Variants in CIDEA observed in about 807,000 individuals in gnomAD.
CIDEA encodes the protein lipid transferase CIDEA.
In CIDEA, 10 loss-of-function variants were observed where a neutral mutation model predicts 18.2. The ratio of observed to expected loss-of-function variants is 0.55; its 90% confidence interval spans 0.34 to 0.93. The LOEUF (loss-of-function observed/expected upper bound fraction) is 0.93, where lower values mean the gene tolerates loss of function less well. CIDEA is among the 40% of genes least tolerant of loss of function. CIDEA has a pLI of 0.02. For missense variants in CIDEA, 309 were observed against 293.1 expected, an observed-to-expected ratio of 1.05 and a Z score of -0.40; for synonymous variants, 128 against 124.8, an observed-to-expected ratio of 1.03 and a Z score of -0.17.
At chr18:12,259,666 C>T (rs1912134828) in intron 1 of CIDEA, among the ~76,000 whole-genome samples, 1 of 152,112 alleles carries the variant, frequency 6.6e-6, no homozygotes. Flanking sequence ...TGGAGACAAG[C>T]CTGAACAACA....
chr18:12,277,057 C>T, intron 4 of CIDEA, 66 bp from the exon 5 acceptor site: 2 of 1,578,568 alleles, frequency 1.3e-6, no homozygotes, highest in Non-Finnish European at 1.7e-6. Context: ...GAAGTATTCC[C>T]ATCCTGTCTG....
chr18:12,261,956 C>A (rs1017537297), intron 1 of CIDEA, among the ~76,000 whole-genome samples: 1 of 151,600 alleles, frequency 6.6e-6, no homozygotes, highest in Non-Finnish European at 1.5e-5. Context: ...CTGCTTGAAC[C>A]CAGGAGTTCA....
rs530570438 is a variant in CIDEA, at chr18:12,271,893, G to T, written c.331-2200G>T. ...CGGCCCCGCAGCCCCCGCCCGGCGA[G>T]GCCCCAGCGGATCCGCGGCGGGAGG... On this transcript the variant is annotated intron_variant, in intron 3 of 4. Transcript: ENST00000320477. 2.6e-5 allele frequency among the ~76,000 whole-genome samples: 4 copies of T among 152,298 alleles called. No homozygotes were observed. The South Asian group carries it at 6.2e-4, about 24-fold the overall frequency.
intron 4 of CIDEA, among the ~76,000 whole-genome samples, chr18:12,275,360 C>G (rs1905295690): frequency 6.6e-6 from 1 of 152,054 alleles, no homozygotes; most frequent in African/African-American, 2.4e-5. Flanking sequence ...AATAAATAAA[C>G]AAACAAAAAA....
At chr18:12,258,138 C>T (rs770811830) in intron 1 of CIDEA, among the ~76,000 whole-genome samples, 12 of 152,202 alleles carry the variant, frequency 7.9e-5, no homozygotes, top group African/African-American at 2.7e-4. Context: ...AGTGACGCAG[C>T]TCTTGGTTTG....
intron 3 of CIDEA, among the ~76,000 whole-genome samples, chr18:12,270,894 CTTTTTTTTTT>C (rs771335202): frequency 4.8e-4 from 29 of 60,000 alleles, no homozygotes; most frequent in African/African-American, 2.0e-3. Flanking sequence ...TTTTTCTTTT[CTTTTTTTTTT>C]TTTTTTTTTT....
rs1598782938 is a variant in CIDEA at position 12,274,074 on chromosome 18, C to T, written c.331-19C>T. On this transcript the variant is annotated intron_variant, in intron 3 of 4. Coordinates refer to ENST00000320477, the MANE Select transcript of CIDEA (RefSeq NM_001279.4). ...GTTAGGAAGGCTCCTGAAGCCTGCC[C>T]CTCCCCCCATTGTCACAGGGCAGCC... The T allele has an allele frequency of 6.2e-7, 1 of 1,613,578 alleles. No homozygotes were observed. The highest frequency in any genetic ancestry group is 2.2e-5 in the East Asian group (1 of 44,874).
intron 1 of CIDEA, among the ~76,000 whole-genome samples, chr18:12,261,525 G>A (rs1912191226): frequency 6.6e-6 from 1 of 152,128 alleles, no homozygotes; most frequent in Non-Finnish European, 1.5e-5. Flanking sequence ...TGGTTTAAAA[G>A]CATGCAATCA....
Position 12,277,280 on chromosome 18 carries a change from C to T in CIDEA, c.*10C>T, listed in dbSNP as rs141313590. 2.5e-5 allele frequency: 40 copies of T among 1,613,966 alleles called. No homozygotes were observed. In the African/African-American group the frequency reaches 5.1e-4, roughly 20 times the overall value. Reference sequence around the variant, plus strand: ...GTTCACGTGTGGATAGGGATGCAGGCTGTCGCCGGCTCTTGAGCCAAACAC... The same window carrying T: ...GTTCACGTGTGGATAGGGATGCAGGTTGTCGCCGGCTCTTGAGCCAAACAC... On this transcript the variant is annotated 3_prime_UTR_variant, in exon 5 of 5. Coordinates refer to ENST00000320477, the MANE Select transcript of CIDEA (RefSeq NM_001279.4).
In CIDEA at chr18:12,254,396, C is replaced by G. The variant is rs141822984; in HGVS notation, c.13C>G (p.Arg5Gly). MEAA[R>G]DYAGALIRPL... is the part of the protein sequence containing the mutation. Reference sequence around the variant, plus strand: ...GGGGATCCGCGCCATGGAGGCCGCCCGGGACTATGCAGGAGCCCTCATCAG... The same window carrying G: ...GGGGATCCGCGCCATGGAGGCCGCCGGGGACTATGCAGGAGCCCTCATCAG... The change falls in exon 1 of 5, where the codon CGG becomes GGG. Residue 5 changes from arginine to glycine, a missense_variant. Coordinates refer to ENST00000320477, the MANE Select transcript of CIDEA (RefSeq NM_001279.4). The G allele has an allele frequency of 6.4e-7, 1 of 1,558,202 alleles. No homozygotes were observed. The highest frequency in any genetic ancestry group is 8.7e-7 in the Non-Finnish European group (1 of 1,152,754).
Position 12,264,344 on chromosome 18 carries a change from C to T in CIDEA, c.221C>T (p.Thr74Ile). ...CTCGTCATCGCTACCGGACTGGTCA[C>T]TCTGGTGCTGGAGGAAGATGGCACC... ...DALVIATGLV[T>I]LVLEEDGTVV... Residue 74 changes from threonine (T) to isoleucine (I), a missense_variant, in exon 3 of 5, where the codon ACT becomes ATT. Physicochemically the swap from Thr to Ile is moderately conservative, Grantham distance 89. Coordinates refer to ENST00000320477, the MANE Select transcript of CIDEA (RefSeq NM_001279.4). The T allele has an allele frequency of 6.2e-7, 1 of 1,614,082 alleles. No homozygotes were observed. The highest frequency in any genetic ancestry group is 8.5e-7 in the Non-Finnish European group (1 of 1,179,964).
intron 1 of CIDEA, among the ~76,000 whole-genome samples, chr18:12,260,925 TC>T (rs1346284791): frequency 6.6e-6 from 1 of 152,146 alleles, no homozygotes; most frequent in Non-Finnish European, 1.5e-5. Context: ...GTGGGTGCTC[TC>T]CGGGGTGAGG....
Position 12,262,872 on chromosome 18 carries a change from C to A in CIDEA, c.86C>A (p.Pro29Gln), listed in dbSNP as rs200131366. The change falls in exon 2 of 5, where the codon CCG becomes CAG. Residue 29 changes from proline (P) to glutamine (Q), a missense_variant. Coordinates refer to ENST00000320477, the MANE Select transcript of CIDEA (RefSeq NM_001279.4). ...CAGACTAAGCGAGTCCTGTTCACCCCGCTCATGCATCCAGCTCGCCCTTTC... is the reference window on the plus strand; with the variant it reads ...CAGACTAAGCGAGTCCTGTTCACCCAGCTCATGCATCCAGCTCGCCCTTTC... ...GSQTKRVLFT[P>Q]LMHPARPFRV... The A allele has an allele frequency of 1.9e-6, 3 of 1,614,198 alleles. No individual in the cohort carries two copies. Among genetic ancestry groups the A allele is most frequent in the Admixed American group, 3.3e-5 (2 of 60,026 alleles).
Position 12,254,441 on chromosome 18 carries a change from CT to C in CIDEA, c.38+21del. The C allele has an allele frequency of 6.3e-7, 1 of 1,597,418 alleles. No individual in the cohort carries two copies. Among genetic ancestry groups the C allele is most frequent in the Non-Finnish European group, 8.5e-7 (1 of 1,175,378 alleles). On this transcript the variant is annotated intron_variant, in intron 1 of 4. Transcript: ENST00000320477. Reference sequence around the variant, plus strand: ...CATCAGGCGAGTGCCCCGCGTCCCCCTGATTGCCGTGCGCTTCCAATCGCCT... The same window carrying C: ...CATCAGGCGAGTGCCCCGCGTCCCCCGATTGCCGTGCGCTTCCAATCGCCT...
chr18:12,274,494 A>C (rs1363141382), intron 4 of CIDEA, among the ~76,000 whole-genome samples: 1 of 152,228 alleles, frequency 6.6e-6, no homozygotes, highest in African/African-American at 2.4e-5. Context: ...AAGACCACTA[A>C]CTATTCATTA....
intron 1 of CIDEA, among the ~76,000 whole-genome samples, chr18:12,255,120 G>C (rs938452801): frequency 6.6e-6 from 1 of 152,212 alleles, no homozygotes; most frequent in African/African-American, 2.4e-5. Context: ...TTTCCTGCTT[G>C]GGTTAATATT....
intron 3 of CIDEA, among the ~76,000 whole-genome samples, chr18:12,271,088 G>A (rs992559850): frequency 1.3e-5 from 2 of 151,734 alleles, no homozygotes; most frequent in Non-Finnish European, 2.9e-5. Flanking sequence ...TAGTAGAGAC[G>A]GGGTTTCGCC....
At chr18:12,264,242 G>A in intron 2 of CIDEA, 65 bp from the exon 3 acceptor site, 1 of 1,415,914 alleles carries the variant, frequency 7.1e-7, no homozygotes, top group Non-Finnish European at 9.4e-7. Context: ...CTTAATAAAT[G>A]TCATTGGCTG....
chr18:12,257,964 A>G (rs1473928139), intron 1 of CIDEA, among the ~76,000 whole-genome samples: 1 of 152,216 alleles, frequency 6.6e-6, no homozygotes, highest in Admixed American at 6.5e-5. Flanking sequence ...CCTGGAGTAC[A>G]TAGGCCTGGC....
Sources: allele counts gnomAD v4.1 joint callset (sites outside exome capture counted in the v4.1 genomes callset), GRCh38; gene constraint gnomAD v4.1.1; transcripts MANE v1.5; gene names NCBI Gene and HGNC (gene_info 2026-07-23, HGNC 2026-07-21).